Variants in RIMS3 observed in about 807,000 individuals in gnomAD.
RIMS3 encodes the protein regulating synaptic membrane exocytosis protein 3.
In RIMS3, 15 loss-of-function variants were observed where a neutral mutation model predicts 29.2. The observed-to-expected ratio is 0.51, with a 90% CI of 0.34 to 0.79. The LOEUF is 0.79. RIMS3 is among the 30% of genes least tolerant of loss of function. The pLI is 0.01. For synonymous variants in RIMS3, 161 were observed against 170.1 expected (o/e 0.95, Z 0.41); for missense variants, 342 against 421.4 (o/e 0.81, Z 1.65).
At chr1:40,669,907 A>G (rs1026271224), upstream of RIMS3, among the ~76,000 whole-genome samples, 5 of 151,960 alleles carry the variant, frequency 3.3e-5, no homozygotes, top group Admixed American at 3.3e-4. Flanking sequence ...GTCCCTCCTG[A>G]TTCCTTCCTC....
chr1:40,628,072 A>G (rs955141485), intron 7 of RIMS3, among the ~76,000 whole-genome samples: 9 of 152,150 alleles, frequency 5.9e-5, no homozygotes, highest in African/African-American at 2.2e-4. Flanking sequence ...CATGATTGTT[A>G]ATACTTAGTG....
At chr1:40,630,857 C>A (rs1646484732) in intron 5 of RIMS3, among the ~76,000 whole-genome samples, 1 of 152,186 alleles carries the variant, frequency 6.6e-6, no homozygotes, top group Non-Finnish European at 1.5e-5. Context: ...AGGGTCCAGC[C>A]CTAGAATTGG....
the RIMS3 span, among the ~76,000 whole-genome samples, chr1:40,671,739 AC>A: frequency 7.2e-6 from 1 of 138,298 alleles, no homozygotes; most frequent in East Asian, 2.1e-4. Flanking sequence ...AGCCAATTAA[AC>A]CCCTTTCCTT....
intron 1 of RIMS3, among the ~76,000 whole-genome samples, chr1:40,656,811 A>G: frequency 6.6e-6 from 1 of 151,140 alleles, no homozygotes; most frequent in Non-Finnish European, 1.5e-5. Context: ...AAGACACACT[A>G]GAAACTACAC....
chr1:40,643,691 C>T (rs113864886), intron 2 of RIMS3, among the ~76,000 whole-genome samples: 1 of 152,130 alleles, frequency 6.6e-6, no homozygotes, highest in South Asian at 2.1e-4. Flanking sequence ...GTTGACCAGG[C>T]TGGTCTCAAA....
intron 1 of RIMS3, among the ~76,000 whole-genome samples, chr1:40,649,108 G>A (rs936607664): frequency 1.3e-5 from 2 of 152,182 alleles, no homozygotes; most frequent in African/African-American, 4.8e-5. Flanking sequence ...GCCAGCGTGG[G>A]CAGCACACAG....
the RIMS3 span, among the ~76,000 whole-genome samples, chr1:40,682,364 T>C: frequency 9.8e-4 from 149 of 152,270 alleles, 1 homozygote; most frequent in African/African-American, 3.4e-3. Flanking sequence ...GTAAGTGCTA[T>C]GTAAAGAGGG....
At position 40,622,333 on chromosome 1, in the gene RIMS3, C is replaced by G. The variant is rs1557659104; in HGVS notation, c.*4184G>C. 1 of 152,548 alleles carries G rather than the reference C, an allele frequency of 6.6e-6. No homozygotes were observed. The highest frequency in any genetic ancestry group is 1.5e-5 in the Non-Finnish European group (1 of 68,088). The allele number at this position is 152,548 out of a possible 1,614,324, so 9.4% of individuals were successfully genotyped here. A position where few individuals can be genotyped will look rare whatever the true frequency, so the allele number is the denominator to read the frequency against. ...GGGCTCACCTGATTGTGTGGGCTTC[C>G]CCTGCTCTTCAATCATGCTTGTTTT... On this transcript the variant is annotated 3_prime_UTR_variant, in exon 8 of 8. Transcript: ENST00000372684.
At chr1:40,670,789 A>G in the RIMS3 span, among the ~76,000 whole-genome samples, 1 of 151,214 alleles carries the variant, frequency 6.6e-6, no homozygotes, top group Non-Finnish European at 1.5e-5. Context: ...GGGTTTCACC[A>G]TATTGGCCAG....
chr1:40,629,326 C>T lies in RIMS3; in HGVS notation c.519G>A (p.Val173=), dbSNP rs769359107. The change falls in exon 6 of 8, where the codon GTG becomes GTA. Residue 173 remains valine (V), a synonymous_variant. Coordinates refer to ENST00000372684, the MANE Select transcript of RIMS3 (RefSeq NM_014747.3). The part of the protein sequence containing the change: ...AIMDRSGQLE[V]EVIEARGLTP... ...TCAGGCCCCGAGCTTCAATCACTTC[C>T]ACCTCCAGCTGGCCACTCCGGTCCA... is the stretch of plus-strand genomic sequence containing the variant. The T allele has an allele frequency of 1.2e-6, 2 of 1,614,210 alleles. No homozygotes were observed. The highest frequency in any genetic ancestry group is 1.7e-6 in the Non-Finnish European group (2 of 1,180,026).
chr1:40,690,879 T>C, the RIMS3 span: 2 of 152,264 alleles, frequency 1.3e-5, no homozygotes, highest in African/African-American at 2.4e-5. Context: ...ACTCTCACTG[T>C]AGGTAATTCC....
In RIMS3 at chr1:40,628,874, GTCT is replaced by G; in HGVS notation, c.647_649del (p.Lys216del). 6.2e-7 allele frequency: 1 copy of G among 1,614,068 alleles called. No homozygotes were observed. Reference sequence around the variant, plus strand: ...AGCCTGCTGGTACAGGGGATCACAGGTCTTCTTGGTCATCTTTGTCTTCTTCTT... The same window carrying G: ...AGCCTGCTGGTACAGGGGATCACAGGTCTTGGTCATCTTTGTCTTCTTCTT... On this transcript the variant is annotated inframe_deletion, in exon 7 of 8. Transcript: ENST00000372684.
At chr1:40,661,456 A>C (rs973797316) in intron 1 of RIMS3, among the ~76,000 whole-genome samples, 2 of 152,062 alleles carry the variant, frequency 1.3e-5, no homozygotes, top group Non-Finnish European at 2.9e-5. Flanking sequence ...AAAATGCAGG[A>C]CCCCTTGTTC....
intron 5 of RIMS3, among the ~76,000 whole-genome samples, chr1:40,631,177 C>T (rs1646486808): frequency 6.6e-6 from 1 of 152,150 alleles, no homozygotes; most frequent in South Asian, 2.1e-4. Context: ...GGAGGCACCT[C>T]TGGAGGAGCT....
At chr1:40,655,579 T>C (rs1299956346) in intron 1 of RIMS3, among the ~76,000 whole-genome samples, 1 of 152,198 alleles carries the variant, frequency 6.6e-6, no homozygotes, top group African/African-American at 2.4e-5. Context: ...CCCCTAGATT[T>C]GTTGGGCAGG....
intron 7 of RIMS3, among the ~76,000 whole-genome samples, chr1:40,627,999 G>A (rs1053081399): frequency 6.6e-6 from 1 of 152,176 alleles, no homozygotes; most frequent in Non-Finnish European, 1.5e-5. Context: ...GGCCCAGACA[G>A]CCCCTGGCTC....
At position 40,636,795 on chromosome 1, in the gene RIMS3, C is replaced by T. The variant is rs1472962220; in HGVS notation, c.218-738G>A. 6.6e-6 allele frequency among the ~76,000 whole-genome samples: 1 copy of T among 152,330 alleles called. No homozygotes were observed. Among genetic ancestry groups the T allele is most frequent in the East Asian group, 1.9e-4 (1 of 5,174 alleles). ...TCCGTGCCTCCTGTTCAGAGGCCCT[C>T]GACCCCCATATCCTGGCCTCCCCCT... is the stretch of plus-strand genomic sequence containing the variant. On this transcript the variant is annotated intron_variant, in intron 3 of 7. Transcript: ENST00000372684. This position sits in a 1 kb window ranked among gnomAD's most constrained non-coding sequence, Gnocchi z 4.2.
In RIMS3 at chr1:40,635,874, C is replaced by T; in HGVS notation, c.359+42G>A. 6 of 1,602,750 alleles carry T rather than the reference C, an allele frequency of 3.7e-6. No homozygotes were observed. The South Asian group carries it at 5.5e-5, about 15-fold the overall frequency. The stretch of plus-strand genomic sequence containing the variant: ...GCCCAGTGGCTCTGTGACTGGAGGA[C>T]CGAGGAGGAGGGAGGGGACCACAGC... On this transcript the variant is annotated intron_variant, in intron 4 of 7. Transcript: ENST00000372684. This position sits in a 1 kb window ranked among gnomAD's most constrained non-coding sequence, Gnocchi z 4.1.
chr1:40,670,252 C>G (rs887292904), upstream of RIMS3, among the ~76,000 whole-genome samples: 4 of 151,926 alleles, frequency 2.6e-5, no homozygotes, highest in African/African-American at 9.7e-5. Flanking sequence ...ATGGGGGTGA[C>G]AGACATGAAC....
Sources: gnomAD v4.1 joint callset for allele counts (sites outside exome capture counted in the v4.1 genomes callset) on GRCh38, gnomAD v4.1.1 for gene constraint, Gnocchi (gnomAD v3.1) non-coding constraint, MANE v1.5 for transcripts, NCBI Gene and HGNC (gene_info 2026-07-23, HGNC 2026-07-21) for gene names.